The following COL12A1 variants were observed in gnomAD, a reference collection of about 807,000 sequenced individuals.
COL12A1 encodes collagen type XII alpha 1 chain, also known as collagen alpha-1(XII) chain.
COL12A1 carries 114 observed loss-of-function variants against 349.7 expected under a neutral mutation model. That is an observed-to-expected ratio of 0.33 (90% CI 0.28 to 0.38). The LOEUF (loss-of-function observed/expected upper bound fraction) is 0.38, where lower values mean the gene tolerates loss of function less well. Among genes scored for constraint, COL12A1 ranks in the 10% least tolerant of loss-of-function variants. The probability of loss-of-function intolerance (pLI) is 1.00; values close to 1 mark genes in which losing one functional copy is unlikely to be tolerated. For synonymous variants in COL12A1, 1,369 were observed against 1,329.0 expected (o/e 1.03, Z -0.66); for missense variants, 3,284 against 3,756.9 (o/e 0.87, Z 3.29).
chr6:75,191,467 C>T (rs184297939), intron 5 of COL12A1, among the ~76,000 whole-genome samples: 215 of 151,962 alleles, frequency 1.4e-3, no homozygotes, highest in Non-Finnish European at 2.2e-3. Flanking sequence ...TCAAAACACT[C>T]CCATTGAAAA....
chr6:75,109,144 T>C lies in COL12A1; in HGVS notation c.7974A>G (p.Lys2658=). ...FHKVHIVVTS[K]SVKIYIDCYE... ...AGCAGTCAATGTAAATCTTAACACT[T>C]TTTGAGGTCACTACAATATGAACCT... The change falls in exon 52 of 66, where the codon AAA becomes AAG. Residue 2658 remains lysine (K), a synonymous_variant. Transcript: ENST00000322507. 1 of 1,597,326 alleles carries C rather than the reference T, an allele frequency of 6.3e-7. No individual in the cohort carries two copies. Among genetic ancestry groups the C allele is most frequent in the Non-Finnish European group, 8.6e-7 (1 of 1,168,998 alleles).
intron 2 of COL12A1, among the ~76,000 whole-genome samples, chr6:75,199,687 G>T (rs565569547): frequency 8.5e-5 from 13 of 152,254 alleles, no homozygotes; most frequent in Non-Finnish European, 1.6e-4. Context: ...AGGCCACTCA[G>T]ATACAGTTGA....
chr6:75,105,367 A>G (rs887401729), intron 53 of COL12A1, 75 bp from the exon 54 acceptor site: 1 of 957,204 alleles, frequency 1.0e-6, no homozygotes, highest in African/African-American at 1.6e-5. Flanking sequence ...CCCCACTTAC[A>G]TGCACAAGGA....
At chr6:75,133,816 C>T (rs1371804700) in intron 33 of COL12A1, 42 bp downstream of exon 33, 2 of 1,609,002 alleles carry the variant, frequency 1.2e-6, no homozygotes, top group African/African-American at 2.7e-5. Flanking sequence ...ACTCAGCTAC[C>T]ATTTAAACAA....
intron 38 of COL12A1, among the ~76,000 whole-genome samples, chr6:75,127,069 C>A (rs78049725): frequency 6.6e-6 from 1 of 151,986 alleles, no homozygotes; most frequent in Non-Finnish European, 1.5e-5. Context: ...GCGCAAATAA[C>A]GAATCCAACT....
Position 75,100,485 on chromosome 6 carries a change from CA to C in COL12A1, c.8523+1114del, listed in dbSNP as rs368609622. On this transcript the variant is annotated intron_variant, in intron 58 of 65. Coordinates refer to ENST00000322507, the MANE Select transcript of COL12A1 (RefSeq NM_004370.6). ...TGTCCTTTACTGTAAAATAAGAATTCAAAAAAAAACCTAAAGTGCCAGTCTC... is the reference window on the plus strand; with the variant it reads ...TGTCCTTTACTGTAAAATAAGAATTCAAAAAAAACCTAAAGTGCCAGTCTC... Among the ~76,000 whole-genome samples the C allele has an allele frequency of 4.0e-3, 609 of 150,430 alleles. 3 individuals are homozygous for C. The highest frequency in any genetic ancestry group is 0.014 in the African/African-American group (583 of 41,028).
Position 75,132,003 on chromosome 6 carries a change from T to C in COL12A1, c.5874A>G (p.Pro1958=), listed in dbSNP as rs186035636. 2.2e-3 allele frequency: 3,532 copies of C among 1,614,174 alleles called. 5 individuals are homozygous for C. Among genetic ancestry groups the C allele is most frequent in the Non-Finnish European group, 2.2e-3 (2,559 of 1,180,006 alleles). Residue 1958 remains proline (P), a synonymous_variant, in exon 35 of 66, where the codon CCA becomes CCG. Coordinates refer to ENST00000322507, the MANE Select transcript of COL12A1 (RefSeq NM_004370.6). Reference sequence around the variant, plus strand: ...CAACGCGATATTGCAGCACAGGTCCTGGAGCAGGGTCCCAGCGAACATCGA... The same window carrying C: ...CAACGCGATATTGCAGCACAGGTCCCGGAGCAGGGTCCCAGCGAACATCGA... ...NSLDVRWDPA[P]GPVLQYRVVY...
Position 75,085,238 on chromosome 6 carries a change from C to T in COL12A1, c.*1309G>A. 2 of 470,542 alleles carry T rather than the reference C, an allele frequency of 4.3e-6. No individual in the cohort carries two copies. Among genetic ancestry groups the T allele is most frequent in the South Asian group, 1.5e-5 (1 of 64,548 alleles). The allele number at this position is 470,542 out of a possible 1,614,324, so 29.1% of individuals were successfully genotyped here. A position where few individuals can be genotyped will look rare whatever the true frequency, so the allele number is the denominator to read the frequency against. ...GGGCGCGCCGCCAGCGCCGGTGGGGCTCAGGAGGCTCCTCTGCAGGCTCGT... is the reference window on the plus strand; with the variant it reads ...GGGCGCGCCGCCAGCGCCGGTGGGGTTCAGGAGGCTCCTCTGCAGGCTCGT... On this transcript the variant is annotated 3_prime_UTR_variant, in exon 66 of 66. Coordinates refer to ENST00000322507, the MANE Select transcript of COL12A1 (RefSeq NM_004370.6).
At chr6:75,205,056 T>G (rs1305657757) in intron 1 of COL12A1, among the ~76,000 whole-genome samples, 1 of 151,508 alleles carries the variant, frequency 6.6e-6, no homozygotes, top group Non-Finnish European at 1.5e-5. Context: ...CGCTTTCTGA[T>G]CCCCACAAGT....
intron 14 of COL12A1, 69 bp downstream of exon 14, chr6:75,165,438 A>G (rs1768241412): frequency 1.3e-6 from 2 of 1,527,494 alleles, no homozygotes; most frequent in Non-Finnish European, 8.9e-7. Context: ...ATTAAACTGC[A>G]TGTCACTTGA....
At chr6:75,111,022 A>G (rs1382104180) in intron 51 of COL12A1, among the ~76,000 whole-genome samples, 1 of 151,952 alleles carries the variant, frequency 6.6e-6, no homozygotes, top group East Asian at 1.9e-4. Flanking sequence ...ACACATACAC[A>G]TACACACAAT....
intron 14 of COL12A1, among the ~76,000 whole-genome samples, chr6:75,163,974 T>G (rs77920242): frequency 0.034 from 5,190 of 152,292 alleles, 290 homozygotes; most frequent in African/African-American, 0.12. Flanking sequence ...GTATCTGTAC[T>G]CCTACAAATA....
chr6:75,172,550 T>C (rs1434704261), intron 13 of COL12A1, among the ~76,000 whole-genome samples: 1 of 152,166 alleles, frequency 6.6e-6, no homozygotes, highest in Admixed American at 6.5e-5. Context: ...AAAAATCTTA[T>C]GAACAACCTA....
chr6:75,197,313 CT>C (rs111304837), intron 2 of COL12A1, among the ~76,000 whole-genome samples: 9,129 of 141,522 alleles, frequency 0.065, 475 homozygotes, highest in African/African-American at 0.15. Flanking sequence ...CTTTTCTTTT[CT>C]TTTTTTTTTT....
chr6:75,168,621 G>T (rs1476878571), intron 13 of COL12A1, among the ~76,000 whole-genome samples: 1 of 152,188 alleles, frequency 6.6e-6, no homozygotes, highest in Non-Finnish European at 1.5e-5. Flanking sequence ...TGGAATATTT[G>T]GGGATGCACC....
At chr6:75,193,658 G>T (rs1481572120) in intron 3 of COL12A1, among the ~76,000 whole-genome samples, 2 of 152,136 alleles carry the variant, frequency 1.3e-5, no homozygotes, top group African/African-American at 2.4e-5. Context: ...GTATACATGT[G>T]CCATGTTGGT....
rs993854825 is a variant in COL12A1, at chr6:75,155,729, C to A, written c.3376G>T (p.Asp1126Tyr). Residue 1126 changes from aspartate (D) to tyrosine (Y), a missense_variant, in exon 16 of 66, where the codon GAT (aspartate) becomes TAT (tyrosine). Physicochemically the swap from Asp to Tyr is radical, Grantham distance 160 (BLOSUM62 -3). This residue lies in a region of COL12A1 where 2,601 missense variants were observed against 2,824.8 expected (regional missense o/e 0.92). Coordinates refer to ENST00000322507, the MANE Select transcript of COL12A1 (RefSeq NM_004370.6). ...GYKVTFHPTG[D>Y]DRRLGELVVG... ...ACTAACTCCCCCAGTCTTCTGTCAT[C>A]CCCCGTAGGGTGGAATGTGACTTTA... 1 of 1,613,184 alleles carries A rather than the reference C, an allele frequency of 6.2e-7. No homozygotes were observed. The highest frequency in any genetic ancestry group is 1.1e-5 in the South Asian group (1 of 90,930).
intron 2 of COL12A1, 71 bp downstream of exon 2, chr6:75,202,649 C>A: frequency 7.0e-7 from 1 of 1,438,330 alleles, no homozygotes; most frequent in Non-Finnish European, 9.6e-7. Context: ...GCAATAGAAG[C>A]AAGAAAGATG....
chr6:75,114,809 T>C (rs1768997502), intron 49 of COL12A1, among the ~76,000 whole-genome samples: 1 of 152,090 alleles, frequency 6.6e-6, no homozygotes, highest in Non-Finnish European at 1.5e-5. Context: ...CTTCCTTAAT[T>C]AGTGCTTGTG....
Sources: gnomAD v4.1 joint callset for allele counts (sites outside exome capture counted in the v4.1 genomes callset) on GRCh38, gnomAD v4.1.1 for gene constraint, gnomAD v4.1.1 regional missense constraint, MANE v1.5 for transcripts, NCBI Gene and HGNC (gene_info 2026-07-23, HGNC 2026-07-21) for gene names.